The following CCDC73 variants were observed in gnomAD, a reference collection of about 807,000 sequenced individuals.
CCDC73 encodes coiled-coil domain containing 73.
CCDC73 carries 95 observed loss-of-function variants against 116.5 expected under a neutral mutation model. The observed-to-expected ratio is 0.82, with a 90% CI of 0.69 to 0.97. CCDC73 has a LOEUF of 0.97. Ranked by LOEUF, CCDC73 falls within the 50% of genes least tolerant of loss-of-function variation. The pLI is 0.00. For synonymous variants in CCDC73, 398 were observed against 401.3 expected (o/e 0.99, Z 0.10); for missense variants, 1,066 against 1,206.8 (o/e 0.88, Z 1.73).
chr11:32,728,264 T>TAAAG (rs1014771775), intron 2 of CCDC73, among the ~76,000 whole-genome samples: 25 of 152,154 alleles, frequency 1.6e-4, no homozygotes, highest in Admixed American at 1.3e-3. Flanking sequence ...AAAATAATAC[T>TAAAG]AAATAAATAA....
At chr11:32,715,967 T>C (rs1849941181) in intron 3 of CCDC73, among the ~76,000 whole-genome samples, 1 of 151,882 alleles carries the variant, frequency 6.6e-6, no homozygotes, top group African/African-American at 2.4e-5. Flanking sequence ...CCCATCAATA[T>C]CCTCCCTTAA....
intron 6 of CCDC73, among the ~76,000 whole-genome samples, chr11:32,696,330 CA>C (rs894956986): frequency 3.3e-5 from 5 of 152,132 alleles, no homozygotes; most frequent in African/African-American, 1.2e-4. Flanking sequence ...GGTACTAATA[CA>C]ACATTTCCTT....
At chr11:32,755,853 G>GTGTGTATATATCTCCATATATATGTC in intron 2 of CCDC73, among the ~76,000 whole-genome samples, 1 of 128,920 alleles carries the variant, frequency 7.8e-6, no homozygotes, top group Non-Finnish European at 1.6e-5. Flanking sequence ...ATATATATGT[G>GTGTGTATATATCTCCATATATATGTC]TGTGTATATA....
chr11:32,637,107 C>T (rs1855688969), intron 13 of CCDC73, among the ~76,000 whole-genome samples: 1 of 149,566 alleles, frequency 6.7e-6, no homozygotes, highest in South Asian at 2.1e-4. Flanking sequence ...GCAACCTCCG[C>T]CTCCTGGATT....
intron 2 of CCDC73, among the ~76,000 whole-genome samples, chr11:32,719,996 A>G (rs1165458345): frequency 6.6e-6 from 1 of 152,290 alleles, no homozygotes. Context: ...CACCACTTTT[A>G]CACAGTCTCT....
At chr11:32,663,364 G>A (rs1855948971) in intron 9 of CCDC73, among the ~76,000 whole-genome samples, 2 of 152,180 alleles carry the variant, frequency 1.3e-5, no homozygotes, top group Non-Finnish European at 2.9e-5. Flanking sequence ...TCATTGAGCA[G>A]TGGTTTGTAG....
intron 2 of CCDC73, among the ~76,000 whole-genome samples, chr11:32,726,051 A>C (rs986866544): frequency 6.6e-6 from 1 of 152,212 alleles, no homozygotes; most frequent in Non-Finnish European, 1.5e-5. Flanking sequence ...CTAGTAACAT[A>C]ATCTGCCCAA....
In CCDC73 at chr11:32,602,912, G is replaced by A; in HGVS notation, c.3139C>T (p.Gln1047Ter). 6.2e-7 allele frequency: 1 copy of A among 1,611,806 alleles called. No homozygotes were observed. The highest frequency in any genetic ancestry group is 8.5e-7 in the Non-Finnish European group (1 of 1,178,744). The change falls in exon 18 of 18, where the codon CAA (glutamine) becomes TAA (stop). Residue 1047 changes from glutamine (Q) to a stop codon, truncating the protein, a stop_gained. Transcript: ENST00000335185. LOFTEE classifies it high-confidence loss of function. ...AGTAAATTTTCACTTTTATTTAGTT[G>A]ATTCGTAATGAGGCTCTGCCAGTCA... ...DDDWQSLITN[Q>*]LNKSENLLSL...
intron 2 of CCDC73, among the ~76,000 whole-genome samples, chr11:32,723,073 CA>C: frequency 6.6e-6 from 1 of 152,094 alleles, no homozygotes; most frequent in East Asian, 1.9e-4. Flanking sequence ...TCCTTTCCTT[CA>C]AAAACTTCAG....
intron 7 of CCDC73, among the ~76,000 whole-genome samples, chr11:32,678,312 G>A (rs1320857706): frequency 2.0e-5 from 3 of 152,040 alleles, no homozygotes; most frequent in Admixed American, 2.0e-4. Context: ...CCAAAGTACA[G>A]GTAGTAGAGC....
chr11:32,642,764 G>A (rs1855744354), intron 12 of CCDC73, among the ~76,000 whole-genome samples: 1 of 151,778 alleles, frequency 6.6e-6, no homozygotes, highest in Non-Finnish European at 1.5e-5. Flanking sequence ...AAGATAAACA[G>A]TGATAGAACT....
intron 3 of CCDC73, among the ~76,000 whole-genome samples, chr11:32,711,117 C>A (rs1221686345): frequency 6.6e-6 from 1 of 151,968 alleles, no homozygotes; most frequent in Non-Finnish European, 1.5e-5. Context: ...GCAAGAATGG[C>A]CATAATCAAA....
Position 32,613,697 on chromosome 11 carries a change from G to C in CCDC73, c.2621C>G (p.Ser874Cys), listed in dbSNP as rs758034879. ...EESHSFHIEPSGDLVNRSGRS... is the reference protein window; with the variant it reads ...EESHSFHIEPCGDLVNRSGRS... ...TCCGCTTCTGTTTACTAAATCTCCA[G>C]ATGGCTCTATGTGAAATGAATGTGA... is the stretch of plus-strand genomic sequence containing the variant. The change falls in exon 16 of 18, where the codon TCT becomes TGT. Residue 874 changes from serine to cysteine, a missense_variant. Coordinates refer to ENST00000335185, the MANE Select transcript of CCDC73 (RefSeq NM_001008391.4). The C allele has an allele frequency of 1.2e-6, 2 of 1,613,944 alleles. No homozygotes were observed. Among genetic ancestry groups the C allele is most frequent in the Admixed American group, 1.7e-5 (1 of 60,010 alleles).
Position 32,654,873 on chromosome 11 carries a change from A to G in CCDC73, c.745T>C (p.Phe249Leu). Residue 249 changes from phenylalanine to leucine, a missense_variant, in exon 10 of 18, where the codon TTT becomes CTT. Phe to Leu is a conservative substitution (Grantham distance 22). Transcript: ENST00000335185. ...NINLTIKEQKFQELQERLNME... is the reference protein window; with the variant it reads ...NINLTIKEQKLQELQERLNME... ...TTGAGTCTTTCTTGAAGTTCTTGAA[A>G]TTTTTGTTCTTTAATTGTTAGATTG... 6.3e-7 allele frequency: 1 copy of G among 1,586,472 alleles called. No homozygotes were observed. The highest frequency in any genetic ancestry group is 1.2e-5 in the South Asian group (1 of 86,504).
At chr11:32,682,595 T>C (rs942187363) in intron 7 of CCDC73, 2 of 151,942 alleles carry the variant, frequency 1.3e-5, no homozygotes, top group South Asian at 2.1e-4. Context: ...TTAATTTTAC[T>C]TGCTTTACAG....
At chr11:32,786,152 G>A (rs975371154) in intron 1 of CCDC73, among the ~76,000 whole-genome samples, 10 of 151,384 alleles carry the variant, frequency 6.6e-5, no homozygotes, top group Admixed American at 2.6e-4. Context: ...AAATGCATAC[G>A]CCTTCCCCTA....
chr11:32,606,279 C>T (rs1181120650), intron 17 of CCDC73: 1 of 152,164 alleles, frequency 6.6e-6, no homozygotes, highest in Non-Finnish European at 1.5e-5. Context: ...TCATAAAATT[C>T]ATTTATAACA....
At chr11:32,628,484 C>G (rs1490683928) in intron 14 of CCDC73, among the ~76,000 whole-genome samples, 1 of 152,170 alleles carries the variant, frequency 6.6e-6, no homozygotes, top group Non-Finnish European at 1.5e-5. Context: ...AGGGGCGCCA[C>G]AAGCTGAGCA....
At chr11:32,766,283 A>G (rs907153137) in intron 1 of CCDC73, among the ~76,000 whole-genome samples, 1 of 152,200 alleles carries the variant, frequency 6.6e-6, no homozygotes, top group African/African-American at 2.4e-5. Context: ...ACTCTCAATA[A>G]ATTCGGTATT....
Sources: allele counts gnomAD v4.1 joint callset (sites outside exome capture counted in the v4.1 genomes callset), GRCh38; gene constraint gnomAD v4.1.1; transcripts MANE v1.5; gene names NCBI Gene and HGNC (gene_info 2026-07-23, HGNC 2026-07-21).